PLAUR: variants seen among roughly 807,000 people sequenced by gnomAD.
PLAUR encodes urokinase plasminogen activator surface receptor.
A neutral mutation model predicts 33.4 loss-of-function variants in PLAUR; 22 were observed. The ratio of observed to expected loss-of-function variants is 0.66; its 90% CI spans 0.47 to 0.94. The LOEUF (loss-of-function observed/expected upper bound fraction) is 0.94. Among genes scored for constraint, PLAUR ranks in the 40% least tolerant of loss-of-function variants. The pLI, the probability that PLAUR is intolerant of heterozygous loss-of-function variation, is 0.00. For synonymous variants in PLAUR, 148 were observed against 167.3 expected, an observed-to-expected ratio of 0.88 and a Z score of 0.89; for missense variants, 408 against 434.7, an observed-to-expected ratio of 0.94 and a Z score of 0.55.
rs374633120 is a variant in PLAUR, at chr19:43,667,687, A to G, written c.60T>C (p.Ser20=). 4 of 1,613,802 alleles carry G rather than the reference A, an allele frequency of 2.5e-6. No individual in the cohort carries two copies. The highest frequency in any genetic ancestry group is 1.7e-6 in the Non-Finnish European group (2 of 1,179,914). Residue 20 remains serine (S), a synonymous_variant, in exon 2 of 7, where the codon TCT becomes TCC. Transcript: ENST00000340093. ...LLLLHTCVPA[S]WGLRCMQCKT... ...TACACTGCATGCACCGCAGGCCCCAAGAGGCTGGGGGAAGGAGGGAGAGGA... is the reference window on the plus strand; with the variant it reads ...TACACTGCATGCACCGCAGGCCCCAGGAGGCTGGGGGAAGGAGGGAGAGGA...
rs145608057 is a variant in PLAUR, at chr19:43,659,404, C to T, written c.311-2764G>A. On this transcript the variant is annotated intron_variant, in intron 3 of 6. Transcript: ENST00000340093. ...CTGGACTCAAATGATCCTGCCGCTT[C>T]GGCCTCCTAAAGTGCTGGGATTACA... is the stretch of plus-strand genomic sequence containing the variant. Among the ~76,000 whole-genome samples the T allele has an allele frequency of 4.7e-3, 717 of 152,158 alleles. 6 individuals carry two copies. Among genetic ancestry groups the T allele is most frequent in the African/African-American group, 0.017 (698 of 41,542 alleles).
At chr19:43,665,611 C>T (rs1007554667) in intron 2 of PLAUR, 152 bp from the exon 3 acceptor site, 3 of 617,930 alleles carry the variant, frequency 4.9e-6, no homozygotes, top group African/African-American at 3.8e-5. Context: ...CTAGAGTTAA[C>T]CTTGCCTCCA....
chr19:43,664,365 T>C (rs1175237060), intron 3 of PLAUR, among the ~76,000 whole-genome samples: 1 of 152,186 alleles, frequency 6.6e-6, no homozygotes, highest in East Asian at 1.9e-4. Context: ...GGAATCTCTT[T>C]CACGGATGGA....
At chr19:43,648,292 C>G (rs190730948), downstream of PLAUR, among the ~76,000 whole-genome samples, 1 of 152,128 alleles carries the variant, frequency 6.6e-6, no homozygotes, top group Non-Finnish European at 1.5e-5. Context: ...TCTCCTGCCT[C>G]AGCCTCCCGA....
In PLAUR at chr19:43,656,551, T is replaced by C; in HGVS notation, c.400A>G (p.Ser134Gly). Reference protein sequence around the residue: ...DMSCERGRHQSLQCRSPEEQC... With the variant: ...DMSCERGRHQGLQCRSPEEQC... ...TCTTCAGGGCTGCGGCACTGCAGGC[T>C]CTGGTGCCGGCCCCTCTCACAGCTC... Residue 134 changes from serine to glycine, a missense_variant, in exon 4 of 7, where the codon AGC becomes GGC. By Grantham distance (56) the Ser-to-Gly change is moderately conservative. Transcript: ENST00000340093. The C allele has an allele frequency of 2.5e-6, 4 of 1,613,182 alleles. No individual in the cohort carries two copies. Among genetic ancestry groups the C allele is most frequent in the Non-Finnish European group, 3.4e-6 (4 of 1,179,452 alleles).
chr19:43,652,056 G>C, intron 6 of PLAUR, 169 bp downstream of exon 6: 7 of 1,403,218 alleles, frequency 5.0e-6, no homozygotes, highest in Non-Finnish European at 6.5e-6. Context: ...TCCACATCCT[G>C]ATGGACAAGT....
At position 43,656,653 on chromosome 19, in the gene PLAUR, G is replaced by A. The variant is rs374333275; in HGVS notation, c.311-13C>T. On this transcript the variant is annotated splice_polypyrimidine_tract_variant and intron_variant, in intron 3 of 6. Coordinates refer to ENST00000340093, the MANE Select transcript of PLAUR (RefSeq NM_002659.4). ...GTGACAGCCCGGCCTGTTTGGAAGA[G>A]GGGGAGGGGAGTGAGACTCCATGGG... is the stretch of plus-strand genomic sequence containing the variant. 8 of 1,576,906 alleles carry A rather than the reference G, an allele frequency of 5.1e-6. No homozygotes were observed. Among genetic ancestry groups the A allele is most frequent in the South Asian group, 2.3e-5 (2 of 86,578 alleles).
intron 3 of PLAUR, 161 bp downstream of exon 3, chr19:43,665,155 G>A: frequency 3.0e-6 from 2 of 666,656 alleles, no homozygotes; most frequent in East Asian, 2.7e-5. Context: ...AATGAGTTGG[G>A]GATGGAGCTG....
Position 43,665,863 on chromosome 19 carries a change from T to A in PLAUR, c.167-404A>T, listed in dbSNP as rs4251829. On this transcript the variant is annotated intron_variant, in intron 2 of 6. Transcript: ENST00000340093. ...ATTTTTTATACAGATGGCATCTCAC[T>A]ATGTTGCCCAGGCTGATCTCAAACT... 3.7e-3 allele frequency among the ~76,000 whole-genome samples: 560 copies of A among 150,088 alleles called. 3 individuals are homozygous for A. The highest frequency in any genetic ancestry group is 0.013 in the African/African-American group (531 of 40,732).
Position 43,656,613 on chromosome 19 carries a change from C to T in PLAUR, c.338G>A (p.Arg113His), listed in dbSNP as rs756160203. 12 of 1,608,358 alleles carry T rather than the reference C, an allele frequency of 7.5e-6. No homozygotes were observed. The highest frequency in any genetic ancestry group is 2.2e-5 in the South Asian group (2 of 90,570). The change falls in exon 4 of 7, where the codon CGT becomes CAT. Residue 113 changes from arginine (R) to histidine (H), a missense_variant. By Grantham distance (29) the Arg-to-His change is conservative. Coordinates refer to ENST00000340093, the MANE Select transcript of PLAUR (RefSeq NM_002659.4). ...GCCACAGGAAATGCATTCGAGGTAA[C>T]GGCTTCGGGAATAGGTGACAGCCCG... ...SGRAVTYSRS[R>H]YLECISCGSS...
intron 3 of PLAUR, 29 bp from the exon 4 acceptor site, chr19:43,656,669 A>G (rs61441862): frequency 1.3e-6 from 2 of 1,555,268 alleles, no homozygotes; most frequent in Non-Finnish European, 1.7e-6. Context: ...GGGGAGTGAG[A>G]CTCCATGGGG....
chr19:43,657,403 C>G (rs1242688011), intron 3 of PLAUR, among the ~76,000 whole-genome samples: 1 of 152,212 alleles, frequency 6.6e-6, no homozygotes, highest in Non-Finnish European at 1.5e-5. Flanking sequence ...CCTGCCTCGT[C>G]TCCCTCCACT....
rs1029541042 is a variant in PLAUR, at chr19:43,649,122, A to G, written c.776T>C (p.Met259Thr). 6.2e-7 allele frequency: 1 copy of G among 1,610,766 alleles called. No homozygotes were observed. The highest frequency in any genetic ancestry group is 8.5e-7 in the Non-Finnish European group (1 of 1,177,108). ...TGAGGCGGTTGCACAGCCTCTTACC[A>G]TATAGCTTTGGTTTTTCGGTTCTGA... ...GTHEPKNQSY[M>T]VRGCATASMC... The change falls in exon 7 of 7, where the codon ATG (methionine) becomes ACG (threonine). Residue 259 changes from methionine to threonine, a missense_variant. Met to Thr is a moderately conservative substitution (Grantham distance 81). Coordinates refer to ENST00000340093, the MANE Select transcript of PLAUR (RefSeq NM_002659.4).
Position 43,652,765 on chromosome 19 carries a change from A to G in PLAUR, c.608-394T>C, listed in dbSNP as rs573027709. On this transcript the variant is annotated intron_variant, in intron 5 of 6. Transcript: ENST00000340093. ...ACCCCGGCTCAAGAGATTCTTCCACATCAGCCTCCTGAGTAGCTGGGACTA... is the reference window on the plus strand; with the variant it reads ...ACCCCGGCTCAAGAGATTCTTCCACGTCAGCCTCCTGAGTAGCTGGGACTA... Among the ~76,000 whole-genome samples, 3 of 152,096 alleles carry G rather than the reference A, an allele frequency of 2.0e-5. No homozygotes were observed. In the East Asian group the frequency reaches 5.8e-4, roughly 29 times the overall value.
chr19:43,652,437 G>A, intron 5 of PLAUR, 66 bp from the exon 6 acceptor site: 1 of 1,490,906 alleles, frequency 6.7e-7, no homozygotes. Flanking sequence ...TTCCTTGAAT[G>A]ACCTCCCCAG....
At position 43,667,634 on chromosome 19, in the gene PLAUR, T is replaced by C. The variant is rs775850345; in HGVS notation, c.113A>G (p.Glu38Gly). 5 of 1,613,930 alleles carry C rather than the reference T, an allele frequency of 3.1e-6. No individual in the cohort carries two copies. Among genetic ancestry groups the C allele is most frequent in the South Asian group, 2.2e-5 (2 of 91,086 alleles). Residue 38 changes from glutamate (E) to glycine (G), a missense_variant, in exon 2 of 7, where the codon GAG becomes GGG. Coordinates refer to ENST00000340093, the MANE Select transcript of PLAUR (RefSeq NM_002659.4). ...GCAGAGGTCCTGTCCCAGGGCGCAC[T>C]CTTCCACACGGCAATCCCCGTTGGT... ...CKTNGDCRVEECALGQDLCRT... is the reference protein window; with the variant it reads ...CKTNGDCRVEGCALGQDLCRT...
intron 1 of PLAUR, 140 bp from the exon 2 acceptor site, chr19:43,667,831 C>A: frequency 6.8e-7 from 1 of 1,462,244 alleles, no homozygotes; most frequent in East Asian, 2.5e-5. Flanking sequence ...TGCTGGGTTC[C>A]GGCCGGCGGT....
chr19:43,665,547 A>C (rs1337725964), intron 2 of PLAUR, 88 bp from the exon 3 acceptor site: 11 of 1,363,908 alleles, frequency 8.1e-6, no homozygotes, highest in Non-Finnish European at 1.1e-5. Context: ...ATCCACTCCC[A>C]GGGCTGATCT....
chr19:43,651,959 C>A, intron 6 of PLAUR: 1 of 1,178,750 alleles, frequency 8.5e-7, no homozygotes, highest in Non-Finnish European at 1.1e-6. Flanking sequence ...CTCAAGAGAT[C>A]CTCCGGCCTC....
Sources: allele counts gnomAD v4.1 joint callset (sites outside exome capture counted in the v4.1 genomes callset), GRCh38; gene constraint gnomAD v4.1.1; transcripts MANE v1.5; gene names NCBI Gene and HGNC (gene_info 2026-07-23, HGNC 2026-07-21).